KCND2: variants seen among roughly 807,000 people sequenced by gnomAD.
The protein encoded by KCND2 is potassium voltage-gated channel subfamily D member 2.
A neutral mutation model predicts 54.4 loss-of-function variants in KCND2; 16 were observed. The ratio of observed to expected loss-of-function variants is 0.29; its 90% confidence interval spans 0.20 to 0.45. The LOEUF is 0.45. KCND2 is among the 20% of genes least tolerant of loss of function. KCND2 has a pLI of 1.00. For missense variants in KCND2, 486 were observed against 824.2 expected (o/e 0.59, Z 5.02); for synonymous variants, 317 against 310.7 (o/e 1.02, Z -0.21).
At chr7:120,378,544 GT>G (rs1388680440) in intron 1 of KCND2, among the ~76,000 whole-genome samples, 3 of 151,884 alleles carry the variant, frequency 2.0e-5, no homozygotes, top group Non-Finnish European at 4.4e-5. Context: ...AAGTGAATTA[GT>G]AACTAAATAC....
chr7:120,337,418 C>A (rs1397192260), intron 1 of KCND2, among the ~76,000 whole-genome samples: 1 of 152,124 alleles, frequency 6.6e-6, no homozygotes, highest in Non-Finnish European at 1.5e-5. Flanking sequence ...TTTAGTGAGC[C>A]TCTGTCAGCT....
intron 1 of KCND2, among the ~76,000 whole-genome samples, chr7:120,350,846 A>G (rs1800389319): frequency 6.6e-6 from 1 of 152,156 alleles, no homozygotes; most frequent in Admixed American, 6.6e-5. Context: ...TCATACTTCT[A>G]TTTTGACAAC....
chr7:120,634,852 C>A (rs1322470059), intron 1 of KCND2, among the ~76,000 whole-genome samples: 1 of 152,158 alleles, frequency 6.6e-6, no homozygotes, highest in African/African-American at 2.4e-5. Context: ...CCTCACCTCA[C>A]AGGCCATTCT....
intron 1 of KCND2, among the ~76,000 whole-genome samples, chr7:120,320,726 G>A (rs994982291): frequency 6.6e-6 from 1 of 152,078 alleles, no homozygotes; most frequent in African/African-American, 2.4e-5. Context: ...CATTTAGAAA[G>A]CAAAAGCAAA....
intron 1 of KCND2, among the ~76,000 whole-genome samples, chr7:120,599,942 C>A (rs1792794048): frequency 6.6e-6 from 1 of 151,780 alleles, no homozygotes; most frequent in African/African-American, 2.4e-5. Context: ...TGTAGATATT[C>A]TTTTTCTAGG....
intron 1 of KCND2, among the ~76,000 whole-genome samples, chr7:120,465,116 G>C (rs1404434479): frequency 6.6e-6 from 1 of 152,138 alleles, no homozygotes; most frequent in African/African-American, 2.4e-5. Flanking sequence ...ACAGAGGTAG[G>C]TAGGATTGAA....
chr7:120,466,983 C>T (rs1802380118), intron 1 of KCND2, among the ~76,000 whole-genome samples: 1 of 152,124 alleles, frequency 6.6e-6, no homozygotes, highest in Non-Finnish European at 1.5e-5. Context: ...TCTTTCTTGC[C>T]TCCATCTTTG....
chr7:120,373,664 G>C (rs916881231), intron 1 of KCND2, among the ~76,000 whole-genome samples: 6 of 151,802 alleles, frequency 4.0e-5, no homozygotes, highest in African/African-American at 1.4e-4. Context: ...TTTATAACTT[G>C]AATGTATAGA....
intron 1 of KCND2, among the ~76,000 whole-genome samples, chr7:120,438,739 A>C (rs921234297): frequency 1.3e-5 from 2 of 152,190 alleles, no homozygotes; most frequent in Admixed American, 6.5e-5. Flanking sequence ...AGGGGAAAGT[A>C]GTGATCTGCC....
At chr7:120,532,755 T>G (rs2116366790) in intron 1 of KCND2, among the ~76,000 whole-genome samples, 1 of 151,966 alleles carries the variant, frequency 6.6e-6, no homozygotes, top group South Asian at 2.1e-4. Flanking sequence ...AATACCCAAT[T>G]AAAAAACTAT....
intron 1 of KCND2, among the ~76,000 whole-genome samples, chr7:120,415,113 T>C (rs1801507007): frequency 6.6e-6 from 1 of 152,170 alleles, no homozygotes; most frequent in Non-Finnish European, 1.5e-5. Flanking sequence ...TATAACTACT[T>C]TATATTTGTT....
In KCND2 at chr7:120,544,795, G is replaced by A. The variant is rs1365124864; in HGVS notation, c.1116-188108G>A. Among the ~76,000 whole-genome samples, 3 of 151,852 alleles carry A rather than the reference G, an allele frequency of 2.0e-5. No homozygotes were observed. In the East Asian group the frequency reaches 5.8e-4, roughly 29 times the overall value. ...CTCATTTCTTAATTCTTCAGTGACT[G>A]AAAAAGCTAATTCATTAATGTGGGA... On this transcript the variant is annotated intron_variant, in intron 1 of 5. Coordinates refer to ENST00000331113, the MANE Select transcript of KCND2 (RefSeq NM_012281.3).
chr7:120,640,105 T>A (rs1286730765), intron 1 of KCND2, among the ~76,000 whole-genome samples: 1 of 152,198 alleles, frequency 6.6e-6, no homozygotes, highest in Non-Finnish European at 1.5e-5. Flanking sequence ...TCCTTCCCTC[T>A]GTGGTTTTAG....
intron 1 of KCND2, among the ~76,000 whole-genome samples, chr7:120,548,204 A>T (rs1178326807): frequency 2.6e-5 from 4 of 152,130 alleles, no homozygotes; most frequent in Non-Finnish European, 4.4e-5. Context: ...CAGGAGCCAT[A>T]GGAAAAATCT....
At chr7:120,341,065 G>T (rs1800233043) in intron 1 of KCND2, among the ~76,000 whole-genome samples, 1 of 152,160 alleles carries the variant, frequency 6.6e-6, no homozygotes, top group African/African-American at 2.4e-5. Flanking sequence ...TTTATCTCAA[G>T]AAACTTGATA....
At chr7:120,307,932 A>G (rs1799671953) in intron 1 of KCND2, among the ~76,000 whole-genome samples, 1 of 152,176 alleles carries the variant, frequency 6.6e-6, no homozygotes, top group African/African-American at 2.4e-5. Flanking sequence ...GCAGAAGGAT[A>G]TTAAACCCAC....
rs188821455 is a variant in KCND2 at position 120,629,130 on chromosome 7, T to A, written c.1116-103773T>A. 2.4e-3 allele frequency among the ~76,000 whole-genome samples: 364 copies of A among 152,334 alleles called. 2 individuals are homozygous for A. The highest frequency in any genetic ancestry group is 8.5e-3 in the African/African-American group (352 of 41,572). ...ATGCACAAAACTGTGGGATGAATTT[T>A]TTCAAAGCAGGAGAAACAAGTTGAA... On this transcript the variant is annotated intron_variant, in intron 1 of 5. Coordinates refer to ENST00000331113, the MANE Select transcript of KCND2 (RefSeq NM_012281.3).
chr7:120,546,754 A>G (rs1247218758), intron 1 of KCND2, among the ~76,000 whole-genome samples: 2 of 152,086 alleles, frequency 1.3e-5, no homozygotes, highest in Non-Finnish European at 2.9e-5. Context: ...TACACAAATT[A>G]TAATTATCTA....
At chr7:120,315,791 T>C (rs1464008873) in intron 1 of KCND2, among the ~76,000 whole-genome samples, 1 of 150,940 alleles carries the variant, frequency 6.6e-6, no homozygotes, top group Non-Finnish European at 1.5e-5. Context: ...TGTGTGTGTG[T>C]GTGTGTGTGT....
Sources: allele counts gnomAD v4.1 joint callset (sites outside exome capture counted in the v4.1 genomes callset), GRCh38; gene constraint gnomAD v4.1.1; transcripts MANE v1.5; gene names NCBI Gene and HGNC (gene_info 2026-07-23, HGNC 2026-07-21).